LARGE1: variants seen among roughly 807,000 people sequenced by gnomAD.
LARGE1 encodes xylosyl- and glucuronyltransferase LARGE1.
In LARGE1, 43 loss-of-function variants were observed where a neutral mutation model predicts 87.6. The observed-to-expected ratio is 0.49, with a 90% CI of 0.38 to 0.63. The LOEUF (loss-of-function observed/expected upper bound fraction) is 0.63. Ranked by LOEUF, LARGE1 falls within the 30% of genes least tolerant of loss-of-function variation. The probability of loss-of-function intolerance (pLI) is 0.00; values close to 1 mark genes in which losing one functional copy is unlikely to be tolerated. For missense variants in LARGE1, 802 were observed against 1,000.2 expected, an observed-to-expected ratio of 0.80 and a Z score of 2.67; for synonymous variants, 434 against 394.6, an observed-to-expected ratio of 1.10 and a Z score of -1.18.
chr22:33,101,502 A>AG, the LARGE1 span, among the ~76,000 whole-genome samples: 2 of 152,172 alleles, frequency 1.3e-5, no homozygotes, highest in Non-Finnish European at 2.9e-5. Flanking sequence ...CCTCTGTGCT[A>AG]GGAACTAGGA....
chr22:33,637,767 C>A (rs2080311651), intron 3 of LARGE1, among the ~76,000 whole-genome samples: 1 of 152,182 alleles, frequency 6.6e-6, no homozygotes, highest in Non-Finnish European at 1.5e-5. Flanking sequence ...CTGATGTCAT[C>A]TTAATTGTAA....
chr22:33,092,247 CT>C, the LARGE1 span, among the ~76,000 whole-genome samples: 8,542 of 145,546 alleles, frequency 0.059, 360 homozygotes, highest in African/African-American at 0.12. Flanking sequence ...ATCTCCAGGG[CT>C]TTTTTTTTTT....
At chr22:33,433,513 A>G (rs943491783) in intron 6 of LARGE1, among the ~76,000 whole-genome samples, 3 of 149,926 alleles carry the variant, frequency 2.0e-5, no homozygotes, top group Middle Eastern at 3.4e-3. Flanking sequence ...GGAGAATGGC[A>G]TGAATCCGGA....
At chr22:33,202,667 CT>C (rs1195190993) in intron 11 of LARGE1, among the ~76,000 whole-genome samples, 7 of 152,196 alleles carry the variant, frequency 4.6e-5, no homozygotes, top group African/African-American at 1.7e-4. Context: ...CATTCTTCCT[CT>C]TTCTCATTCA....
intron 6 of LARGE1, among the ~76,000 whole-genome samples, chr22:33,481,318 C>T (rs1219072415): frequency 1.3e-5 from 2 of 148,710 alleles, no homozygotes; most frequent in Non-Finnish European, 3.0e-5. Flanking sequence ...TTTTTGTTTA[C>T]TTTGTGAAGT....
At position 33,410,087 on chromosome 22, in the gene LARGE1, C is replaced by T. The variant is rs548071822; in HGVS notation, c.892+22074G>A. ...TATAGGGATCACCTGCTTGGTTTTACGAACTACTGAAGGAAGAGTCTCACC... is the reference window on the plus strand; with the variant it reads ...TATAGGGATCACCTGCTTGGTTTTATGAACTACTGAAGGAAGAGTCTCACC... On this transcript the variant is annotated intron_variant, in intron 7 of 14. Transcript: ENST00000397394. Among the ~76,000 whole-genome samples the T allele has an allele frequency of 3.3e-5, 5 of 152,178 alleles. No individual in the cohort carries two copies. The South Asian group carries it at 6.2e-4, about 19-fold the overall frequency.
At chr22:33,687,581 G>C (rs913525578) in intron 2 of LARGE1, among the ~76,000 whole-genome samples, 1 of 152,126 alleles carries the variant, frequency 6.6e-6, no homozygotes, top group African/African-American at 2.4e-5. Flanking sequence ...AAGGTTCCAG[G>C]AGGCGTCGCA....
intron 6 of LARGE1, among the ~76,000 whole-genome samples, chr22:33,497,229 C>T (rs1001406110): frequency 1.4e-4 from 22 of 152,144 alleles, no homozygotes; most frequent in African/African-American, 5.3e-4. Context: ...GTGCATGCCA[C>T]TATGCCTGGC....
At chr22:33,097,019 TTGG>T in the LARGE1 span, among the ~76,000 whole-genome samples, 1 of 152,194 alleles carries the variant, frequency 6.6e-6, no homozygotes, top group Non-Finnish European at 1.5e-5. Flanking sequence ...TGTGCTGGAA[TTGG>T]AGGATTTTCC....
the LARGE1 span, among the ~76,000 whole-genome samples, chr22:33,095,309 C>T: frequency 1.5e-4 from 23 of 152,174 alleles, no homozygotes; most frequent in Non-Finnish European, 2.9e-4. Context: ...TGATGATTGT[C>T]GGCAATCCTT....
At chr22:33,302,662 G>A (rs1443306986) in intron 12 of LARGE1, among the ~76,000 whole-genome samples, 3 of 152,164 alleles carry the variant, frequency 2.0e-5, no homozygotes, top group South Asian at 2.1e-4. Flanking sequence ...CAGAGAGACG[G>A]AGTCAGAAGG....
chr22:33,638,934 T>C (rs1469255136), intron 3 of LARGE1, among the ~76,000 whole-genome samples: 2 of 152,210 alleles, frequency 1.3e-5, no homozygotes, highest in South Asian at 2.1e-4. Flanking sequence ...ATAATAACAA[T>C]ATCCATTGTG....
intron 4 of LARGE1, among the ~76,000 whole-genome samples, chr22:33,611,687 T>G (rs2079433850): frequency 6.6e-6 from 1 of 152,206 alleles, no homozygotes; most frequent in South Asian, 2.1e-4. Flanking sequence ...TGATTGTAGT[T>G]TGAAATGTGA....
chr22:33,566,192 CA>C (rs2078020216), intron 5 of LARGE1, among the ~76,000 whole-genome samples: 3 of 152,028 alleles, frequency 2.0e-5, no homozygotes, highest in Non-Finnish European at 4.4e-5. Context: ...ACCATGTTAC[CA>C]AAGAACAGCC....
chr22:33,371,629 T>C (rs1316559118), intron 9 of LARGE1, among the ~76,000 whole-genome samples: 1 of 152,230 alleles, frequency 6.6e-6, no homozygotes, highest in Non-Finnish European at 1.5e-5. Context: ...TGTGTAATAT[T>C]TCAGTTTTCA....
At chr22:33,758,732 C>A (rs2084614784) in intron 2 of LARGE1, among the ~76,000 whole-genome samples, 1 of 152,210 alleles carries the variant, frequency 6.6e-6, no homozygotes, top group Admixed American at 6.5e-5. Context: ...ACCATAAACA[C>A]AGACAGTTAT....
At chr22:33,089,304 CTTCTTCTTCT>C in the LARGE1 span, among the ~76,000 whole-genome samples, 5,083 of 134,014 alleles carry the variant, frequency 0.038, 129 homozygotes, top group Middle Eastern at 0.12. Flanking sequence ...TCTTCTTCCT[CTTCTTCTTCT>C]TTCTTCTTTC....
chr22:33,116,653 G>A, the LARGE1 span, among the ~76,000 whole-genome samples: 1 of 152,062 alleles, frequency 6.6e-6, no homozygotes, highest in African/African-American at 2.4e-5. Context: ...GTGAGCCACC[G>A]CGCCCAGCTC....
At chr22:33,715,185 T>G (rs1036616166) in intron 2 of LARGE1, among the ~76,000 whole-genome samples, 15 of 152,210 alleles carry the variant, frequency 9.9e-5, no homozygotes, top group African/African-American at 3.6e-4. Context: ...AGTAGTTGTA[T>G]GAGATCACCC....
Sources: gnomAD v4.1 joint callset for allele counts (sites outside exome capture counted in the v4.1 genomes callset) on GRCh38, gnomAD v4.1.1 for gene constraint, MANE v1.5 for transcripts, NCBI Gene and HGNC (gene_info 2026-07-23, HGNC 2026-07-21) for gene names.